The following SPINK9 variants were observed in gnomAD, a reference collection of about 807,000 sequenced individuals.
The protein encoded by SPINK9 is serine protease inhibitor Kazal-type 9.
SPINK9 carries 3 observed loss-of-function variants against 10.8 expected under a neutral mutation model. The ratio of observed to expected loss-of-function variants is 0.28; its 90% CI spans 0.13 to 0.72. SPINK9 has a LOEUF of 0.72. Among genes scored for constraint, SPINK9 ranks in the 30% least tolerant of loss-of-function variants. SPINK9 has a pLI of 0.74. For missense variants in SPINK9, 101 were observed against 103.2 expected, an observed-to-expected ratio of 0.98 and a Z score of 0.09; for synonymous variants, 30 against 31.2, an observed-to-expected ratio of 0.96 and a Z score of 0.12.
At chr5:148,336,961 T>A (rs902949517) in intron 2 of SPINK9, among the ~76,000 whole-genome samples, 6 of 152,186 alleles carry the variant, frequency 3.9e-5, no homozygotes, top group Non-Finnish European at 8.8e-5. Flanking sequence ...TGGTACTCAA[T>A]TTGAGTTCCA....
chr5:148,333,502 A>G (rs541234527), upstream of SPINK9, among the ~76,000 whole-genome samples: 18 of 152,262 alleles, frequency 1.2e-4, no homozygotes, highest in African/African-American at 4.3e-4. Context: ...TATTTTACCC[A>G]CTTTTAATTA....
upstream of SPINK9, among the ~76,000 whole-genome samples, chr5:148,331,352 G>T (rs1757147203): frequency 6.6e-6 from 1 of 152,288 alleles, no homozygotes; most frequent in African/African-American, 2.4e-5. Context: ...ATTATGCTAG[G>T]TGCAATAAAC....
intron 2 of SPINK9, among the ~76,000 whole-genome samples, chr5:148,327,337 C>T (rs536203667): frequency 2.8e-4 from 42 of 152,236 alleles, no homozygotes; most frequent in Admixed American, 8.5e-4. Context: ...ATATCCCTTG[C>T]CCACTTTTTG....
upstream of SPINK9, among the ~76,000 whole-genome samples, chr5:148,334,168 A>T (rs1243410028): frequency 6.6e-6 from 1 of 152,104 alleles, no homozygotes; most frequent in East Asian, 1.9e-4. Flanking sequence ...TAGGATTCTT[A>T]CTAAAGGCAG....
At position 148,327,093 on chromosome 5, in the gene SPINK9, T is replaced by C. The variant is rs576827854; in HGVS notation, c.118+3225T>C. On this transcript the variant is annotated intron_variant, in intron 2 of 4. Coordinates refer to the SPINK9 transcript ENST00000511717. ...AGATCCCCGAGGAATCGCCACACTG[T>C]CTCCCACAATGGTTGAACTAGTTAA... Among the ~76,000 whole-genome samples the C allele has an allele frequency of 3.0e-4, 45 of 152,294 alleles. No individual in the cohort carries two copies. In the East Asian group the frequency reaches 4.8e-3, roughly 16 times the overall value.
intron 3 of SPINK9, among the ~76,000 whole-genome samples, chr5:148,338,995 T>C (rs1757253701): frequency 6.6e-6 from 1 of 152,162 alleles, no homozygotes; most frequent in East Asian, 1.9e-4. Flanking sequence ...GAATGAGCCA[T>C]GTTTTTGTTC....
intron 1 of SPINK9, among the ~76,000 whole-genome samples, chr5:148,322,982 A>G (rs1217572947): frequency 6.6e-6 from 1 of 152,194 alleles, no homozygotes; most frequent in East Asian, 1.9e-4. Context: ...TCCTTTTAAT[A>G]TTTATAAATG....
upstream of SPINK9, among the ~76,000 whole-genome samples, chr5:148,334,613 A>C (rs1757191454): frequency 6.6e-6 from 1 of 152,072 alleles, no homozygotes; most frequent in African/African-American, 2.4e-5. Flanking sequence ...TGGGAGGCTG[A>C]GTCAGGAAAA....
upstream of SPINK9, among the ~76,000 whole-genome samples, chr5:148,334,415 G>A (rs1433690939): frequency 6.6e-6 from 1 of 152,130 alleles, no homozygotes; most frequent in Non-Finnish European, 1.5e-5. Flanking sequence ...TGATCAAGAA[G>A]ATAAGAGTCT....
chr5:148,329,997 G>C (rs922449338), intron 2 of SPINK9, among the ~76,000 whole-genome samples: 1 of 152,230 alleles, frequency 6.6e-6, no homozygotes, highest in Non-Finnish European at 1.5e-5. Flanking sequence ...TTCGGGTGGA[G>C]AGTTCTGTAG....
intron 2 of SPINK9, among the ~76,000 whole-genome samples, chr5:148,325,374 T>G (rs1359471739): frequency 6.6e-6 from 1 of 152,102 alleles, no homozygotes; most frequent in African/African-American, 2.4e-5. Flanking sequence ...ATTTTACATT[T>G]TCATTTACAT....
intron 3 of SPINK9, among the ~76,000 whole-genome samples, chr5:148,339,029 A>G (rs1050173465): frequency 2.6e-5 from 4 of 152,158 alleles, no homozygotes; most frequent in Non-Finnish European, 5.9e-5. Flanking sequence ...AGGCTTGGAT[A>G]TGTTAGAGCC....
chr5:148,334,158 T>G (rs748726043), upstream of SPINK9, among the ~76,000 whole-genome samples: 1 of 151,724 alleles, frequency 6.6e-6, no homozygotes, highest in Non-Finnish European at 1.5e-5. Context: ...AAAGACCTAA[T>G]AGGATTCTTA....
Position 148,339,727 on chromosome 5 carries a change from T to C in SPINK9, c.*15T>C, listed in dbSNP as rs375199456. ...GAAAATGTTAAATCTATCTTGTGAGTCCAAAATATCTTTTAATGCATCTAT... is the reference window on the plus strand; with the variant it reads ...GAAAATGTTAAATCTATCTTGTGAGCCCAAAATATCTTTTAATGCATCTAT... On this transcript the variant is annotated 3_prime_UTR_variant, in exon 4 of 4. Coordinates refer to ENST00000377906, the MANE Select transcript of SPINK9 (RefSeq NM_001040433.2). The C allele has an allele frequency of 1.1e-5, 18 of 1,603,052 alleles. No individual in the cohort carries two copies. The highest frequency in any genetic ancestry group is 1.5e-5 in the Non-Finnish European group (18 of 1,170,798).
At chr5:148,336,292 A>G (rs924017630) in intron 1 of SPINK9, 130 bp from the exon 2 acceptor site, 2 of 950,482 alleles carry the variant, frequency 2.1e-6, no homozygotes, top group Non-Finnish European at 1.6e-6. Context: ...CAATGCTGAT[A>G]CACAGTTGTG....
chr5:148,335,500 T>C (rs1212238571), upstream of SPINK9: 2 of 895,638 alleles, frequency 2.2e-6, no homozygotes, highest in Non-Finnish European at 3.5e-6. Context: ...AAATTGCTAT[T>C]TCACAATTGA....
At chr5:148,322,807 C>A (rs1459800539) in intron 1 of SPINK9, among the ~76,000 whole-genome samples, 2 of 152,122 alleles carry the variant, frequency 1.3e-5, no homozygotes, top group Non-Finnish European at 2.9e-5. Flanking sequence ...GAGACCAGGG[C>A]AGGCTTAGTT....
chr5:148,326,760 G>A (rs527827978), intron 2 of SPINK9, among the ~76,000 whole-genome samples: 18 of 152,042 alleles, frequency 1.2e-4, no homozygotes, highest in African/African-American at 3.6e-4. Flanking sequence ...GAGAACATGC[G>A]GTGTTTGGTT....
chr5:148,331,974 A>G (rs1051640713), upstream of SPINK9, among the ~76,000 whole-genome samples: 3 of 152,218 alleles, frequency 2.0e-5, no homozygotes, highest in Admixed American at 6.5e-5. Context: ...TATGACCATT[A>G]TAACAATAGT....
Sources: allele counts gnomAD v4.1 joint callset (sites outside exome capture counted in the v4.1 genomes callset), GRCh38; gene constraint gnomAD v4.1.1; transcripts MANE v1.5; gene names NCBI Gene and HGNC (gene_info 2026-07-23, HGNC 2026-07-21).